Variants in GSDME observed in about 807,000 individuals in gnomAD.
The protein encoded by GSDME is gasdermin-E.
In GSDME, 44 loss-of-function variants were observed where a neutral mutation model predicts 47.5. That is an observed-to-expected ratio of 0.93 (90% CI 0.73 to 1.19). The LOEUF is 1.19. GSDME is among the 50% of genes most tolerant of loss of function. The probability of loss-of-function intolerance (pLI) is 0.00; values close to 1 mark genes in which losing one functional copy is unlikely to be tolerated. For synonymous variants in GSDME, 258 were observed against 252.8 expected, an observed-to-expected ratio of 1.02 and a Z score of -0.20; for missense variants, 663 against 604.2, an observed-to-expected ratio of 1.10 and a Z score of -1.02.
At chr7:24,768,156 G>A in the GSDME span, among the ~76,000 whole-genome samples, 3 of 152,120 alleles carry the variant, frequency 2.0e-5, no homozygotes, top group African/African-American at 7.2e-5. The surrounding 1 kb of genome is among the most constrained non-coding windows in gnomAD (Gnocchi z 5.6). Context: ...GGTTAAACTC[G>A]GTCTCTGAGG....
intron 2 of GSDME, among the ~76,000 whole-genome samples, chr7:24,748,351 GGTTTCACCAT>G (rs1790747033): frequency 6.6e-6 from 1 of 151,548 alleles, no homozygotes. Flanking sequence ...GTAGAGATGG[GGTTTCACCAT>G]GTTGGCCAGG....
At chr7:24,776,945 T>A in the GSDME span, among the ~76,000 whole-genome samples, 2 of 152,094 alleles carry the variant, frequency 1.3e-5, no homozygotes, top group Non-Finnish European at 2.9e-5. Context: ...ACTCAGGAAA[T>A]TTTCAGTTTA....
the GSDME span, among the ~76,000 whole-genome samples, chr7:24,795,157 C>T: frequency 1.3e-5 from 2 of 152,176 alleles, no homozygotes; most frequent in Non-Finnish European, 1.5e-5. Context: ...GTTAATCCTC[C>T]GCGGGGGCCT....
At chr7:24,710,492 A>C in intron 5 of GSDME, 104 bp from the exon 6 acceptor site, 4 of 1,099,670 alleles carry the variant, frequency 3.6e-6, no homozygotes, top group Non-Finnish European at 5.5e-6. Context: ...CTTAGACGTA[A>C]CTCAGTGGAG....
At chr7:24,765,437 G>C in the GSDME span, among the ~76,000 whole-genome samples, 6 of 152,150 alleles carry the variant, frequency 3.9e-5, no homozygotes, top group Non-Finnish European at 5.9e-5. Flanking sequence ...AGGTTGCTCC[G>C]GGTATAGTGA....
the GSDME span, among the ~76,000 whole-genome samples, chr7:24,781,996 T>A: frequency 2.6e-5 from 4 of 152,172 alleles, no homozygotes; most frequent in African/African-American, 7.2e-5. Flanking sequence ...TCCTCCCACT[T>A]TAGCCATCCA....
Position 24,744,760 on chromosome 7 carries a change from A to T in GSDME, c.212-6T>A, listed in dbSNP as rs876657773. 2 of 1,613,936 alleles carry T rather than the reference A, an allele frequency of 1.2e-6. No homozygotes were observed. The highest frequency in any genetic ancestry group is 1.7e-6 in the Non-Finnish European group (2 of 1,179,992). On this transcript the variant is annotated splice_polypyrimidine_tract_variant and splice_region_variant and intron_variant, in intron 2 of 9. Transcript: ENST00000645220. The surrounding 1 kb of genome is among the most constrained non-coding windows in gnomAD (Gnocchi z 4.5). ...AAAGTCCGACTCCACGACCACTGGA[A>T]TGGAGGAGACGAGCAGAGGAAGCCG...
In GSDME at chr7:24,705,891, A is replaced by T; in HGVS notation, c.1183+293T>A. The T allele has an allele frequency of 2.1e-6, 1 of 483,188 alleles. No homozygotes were observed. The highest frequency in any genetic ancestry group is 4.0e-5 in the East Asian group (1 of 25,196). The allele number at this position is 483,188 out of a possible 1,614,324, so 29.9% of individuals were successfully genotyped here. On this transcript the variant is annotated intron_variant, in intron 8 of 9. Transcript: ENST00000645220. The surrounding 1 kb of genome is among the most constrained non-coding windows in gnomAD (Gnocchi z 4.1). ...GAGTGAACCACAGCCTGTCAGGGAGATGCTTGCTTTTGTAGGCAAAGGGGC... is the reference window on the plus strand; with the variant it reads ...GAGTGAACCACAGCCTGTCAGGGAGTTGCTTGCTTTTGTAGGCAAAGGGGC...
rs1449536511 is a variant in GSDME, at chr7:24,735,751, T to G, written c.404+8811A>C. On this transcript the variant is annotated intron_variant, in intron 3 of 9. Transcript: ENST00000645220. The surrounding 1 kb of genome is among the most constrained non-coding windows in gnomAD (Gnocchi z 4.4). ...CCAGCCTGGGTGACAACAGCAAAAC[T>G]CTATCTCAAAAATAAATAAATAAAT... 2.1e-5 allele frequency among the ~76,000 whole-genome samples: 3 copies of G among 141,360 alleles called. No individual in the cohort carries two copies. Among genetic ancestry groups the G allele is most frequent in the Non-Finnish European group, 4.6e-5 (3 of 65,670 alleles). The allele number at this position is 141,360 out of a possible 152,430, so 92.7% of individuals were successfully genotyped here.
intron 4 of GSDME, 22 bp downstream of exon 4, chr7:24,719,025 A>G (rs774826763): frequency 6.2e-7 from 1 of 1,611,252 alleles, no homozygotes. Context: ...CCATGAACGC[A>G]GGGCAGCCCG....
intron 1 of GSDME, among the ~76,000 whole-genome samples, chr7:24,752,598 G>A (rs892435477): frequency 3.9e-5 from 6 of 152,194 alleles, no homozygotes; most frequent in Non-Finnish European, 8.8e-5. Context: ...TGCAGGCTGG[G>A]AGATGAGAAG....
upstream of GSDME, among the ~76,000 whole-genome samples, chr7:24,759,317 CTAGA>C (rs1180143809): frequency 6.6e-6 from 1 of 152,202 alleles, no homozygotes; most frequent in African/African-American, 2.4e-5. Flanking sequence ...AGTCCTCTAT[CTAGA>C]TAGTTACCAC....
In GSDME at chr7:24,716,702, AC is replaced by A. The variant is rs1461650199; in HGVS notation, c.697+551del. 1 of 168,900 alleles carries A rather than the reference AC, an allele frequency of 5.9e-6. No homozygotes were observed. Among genetic ancestry groups the A allele is most frequent in the Non-Finnish European group, 1.3e-5 (1 of 76,982 alleles). The allele number at this position is 168,900 out of a possible 1,614,324, so 10.5% of individuals were successfully genotyped here. On this transcript the variant is annotated intron_variant, in intron 5 of 9. Coordinates refer to ENST00000645220, the MANE Select transcript of GSDME (RefSeq NM_001127453.2). The surrounding 1 kb of genome is among the most constrained non-coding windows in gnomAD (Gnocchi z 4.5). ...TCAAGTTCAGCATGTCTGGCTTCAT[AC>A]TTGTGGAGAGGAGGTGGGGTAACAA...
the GSDME span, among the ~76,000 whole-genome samples, chr7:24,782,667 G>C: frequency 0.1 from 15,401 of 152,234 alleles, 891 homozygotes; most frequent in Non-Finnish European, 0.12. Flanking sequence ...GGTTGAACTA[G>C]TTTACAGTCC....
chr7:24,751,745 CATTT>C (rs1163256577), intron 1 of GSDME, among the ~76,000 whole-genome samples: 2 of 152,178 alleles, frequency 1.3e-5, no homozygotes, highest in African/African-American at 2.4e-5. Flanking sequence ...ATGGAATACT[CATTT>C]ATTTATTTAC....
Position 24,705,934 on chromosome 7 carries a change from C to A in GSDME, c.1183+250G>T. On this transcript the variant is annotated intron_variant, in intron 8 of 9. Coordinates refer to ENST00000645220, the MANE Select transcript of GSDME (RefSeq NM_001127453.2). This position sits in a 1 kb window ranked among gnomAD's most constrained non-coding sequence, Gnocchi z 4.1. ...AAAGGGGCACCCACTGTGGCCTTCC[C>A]TGGGGGAGGAGGGAGAAGGGCCCTC... The A allele has an allele frequency of 1.8e-6, 1 of 563,912 alleles. No homozygotes were observed. Among genetic ancestry groups the A allele is most frequent in the Non-Finnish European group, 3.2e-6 (1 of 313,540 alleles). The allele number at this position is 563,912 out of a possible 1,614,324, so 34.9% of individuals were successfully genotyped here.
chr7:24,728,511 T>G lies in GSDME; in HGVS notation c.405-9293A>C, dbSNP rs954472689. On this transcript the variant is annotated intron_variant, in intron 3 of 9. Transcript: ENST00000645220. This position sits in a 1 kb window ranked among gnomAD's most constrained non-coding sequence, Gnocchi z 7.2. Reference sequence around the variant, plus strand: ...CAGAAGCCAAGGGGCTGGGTGAGAATGCAGCTCAGCACCATCCACCCTCGA... The same window carrying G: ...CAGAAGCCAAGGGGCTGGGTGAGAAGGCAGCTCAGCACCATCCACCCTCGA... Among the ~76,000 whole-genome samples the G allele has an allele frequency of 1.5e-4, 23 of 152,212 alleles. No homozygotes were observed. Among genetic ancestry groups the G allele is most frequent in the Non-Finnish European group, 2.9e-4 (20 of 68,034 alleles).
upstream of GSDME, among the ~76,000 whole-genome samples, chr7:24,760,883 A>G (rs1350348757): frequency 6.6e-6 from 1 of 152,222 alleles, no homozygotes; most frequent in Non-Finnish European, 1.5e-5. This position sits in a 1 kb window ranked among gnomAD's most constrained non-coding sequence, Gnocchi z 4.2. Flanking sequence ...TGGTGTCCCA[A>G]CCTTCTCTTA....
the GSDME span, among the ~76,000 whole-genome samples, chr7:24,774,984 T>A: frequency 6.6e-6 from 1 of 152,276 alleles, no homozygotes; most frequent in East Asian, 1.9e-4. Context: ...AACAAGCAAC[T>A]AAATAATGCA....
Sources: gnomAD v4.1 joint callset for allele counts (sites outside exome capture counted in the v4.1 genomes callset) on GRCh38, gnomAD v4.1.1 for gene constraint, Gnocchi (gnomAD v3.1) non-coding constraint, MANE v1.5 for transcripts, NCBI Gene and HGNC (gene_info 2026-07-23, HGNC 2026-07-21) for gene names.